FSHR: variants seen among roughly 807,000 people sequenced by gnomAD.
FSHR encodes follicle stimulating hormone receptor, also known as follicle-stimulating hormone receptor.
Under a neutral mutation model 52.1 loss-of-function variants are expected in FSHR, and 46 were observed. The observed-to-expected ratio is 0.88, with a 90% confidence interval of 0.70 to 1.13. The LOEUF is 1.13. FSHR is among the 50% of genes most tolerant of loss of function. FSHR has a pLI of 0.00. For missense variants in FSHR, 964 were observed against 834.6 expected, an observed-to-expected ratio of 1.16 and a Z score of -1.91; for synonymous variants, 399 against 309.6, an observed-to-expected ratio of 1.29 and a Z score of -3.03.
intron 9 of FSHR, among the ~76,000 whole-genome samples, chr2:48,967,296 A>C (rs1426447209): frequency 6.6e-6 from 1 of 151,996 alleles, no homozygotes; most frequent in Non-Finnish European, 1.5e-5. Flanking sequence ...ACGAGGTCCC[A>C]CCATGTTACC....
At chr2:48,996,518 A>C (rs1047958830) in intron 4 of FSHR, among the ~76,000 whole-genome samples, 2 of 152,112 alleles carry the variant, frequency 1.3e-5, no homozygotes, top group African/African-American at 4.8e-5. Flanking sequence ...TGATTCATTA[A>C]CACAACTCAT....
intron 1 of FSHR, among the ~76,000 whole-genome samples, chr2:49,083,671 C>CA (rs942826856): frequency 2.7e-5 from 4 of 148,732 alleles, no homozygotes; most frequent in South Asian, 2.2e-4. Context: ...AAATGAAAAA[C>CA]AAAAAAAGGC....
At chr2:49,048,111 C>G (rs1046066803) in intron 2 of FSHR, among the ~76,000 whole-genome samples, 1 of 152,046 alleles carries the variant, frequency 6.6e-6, no homozygotes, top group Non-Finnish European at 1.5e-5. Context: ...GTCTCAAACT[C>G]CTGACCTCAA....
chr2:49,044,617 A>C (rs1668591518), intron 2 of FSHR, among the ~76,000 whole-genome samples: 1 of 152,120 alleles, frequency 6.6e-6, no homozygotes, highest in Admixed American at 6.5e-5. Context: ...CCTTGGCTGG[A>C]GGGGAAAGGA....
At chr2:49,055,209 C>T (rs1160869577) in intron 2 of FSHR, among the ~76,000 whole-genome samples, 1 of 151,650 alleles carries the variant, frequency 6.6e-6, no homozygotes, top group African/African-American at 2.4e-5. Flanking sequence ...AAACAGAAAT[C>T]TTACAGCTTA....
chr2:49,079,726 A>G (rs1670097076), intron 1 of FSHR, among the ~76,000 whole-genome samples: 2 of 152,162 alleles, frequency 1.3e-5, no homozygotes, highest in South Asian at 4.1e-4. Flanking sequence ...TTACCACATT[A>G]AATCTCAATT....
chr2:49,033,751 C>A (rs1324597655), intron 2 of FSHR, among the ~76,000 whole-genome samples: 1 of 152,090 alleles, frequency 6.6e-6, no homozygotes, highest in African/African-American at 2.4e-5. Context: ...CCCCCAAGTG[C>A]CAGTGTCTGA....
chr2:49,093,847 T>G (rs1670713613), intron 1 of FSHR, among the ~76,000 whole-genome samples: 1 of 152,112 alleles, frequency 6.6e-6, no homozygotes, highest in Non-Finnish European at 1.5e-5. Context: ...TCCATCCACC[T>G]TGGCCTTCCA....
At position 48,984,061 on chromosome 2, in the gene FSHR, C is replaced by CTT. The variant is rs535342610; in HGVS notation, c.525-897_525-896dup. ...CTGTCAGGTTCTTTTCCCTGTCCAG[C>CTT]TTAGTGGGCTTGCAAATAACACTGT... On this transcript the variant is annotated intron_variant, in intron 6 of 9. Coordinates refer to ENST00000406846, the MANE Select transcript of FSHR (RefSeq NM_000145.4). 3.3e-5 allele frequency among the ~76,000 whole-genome samples: 5 copies of CTT among 152,316 alleles called. No homozygotes were observed. In the South Asian group the frequency reaches 1.0e-3, roughly 32 times the overall value.
intron 2 of FSHR, among the ~76,000 whole-genome samples, chr2:49,061,569 C>CTATATATCTAAATGTATAT (rs1446690692): frequency 6.2e-4 from 89 of 142,554 alleles, no homozygotes; most frequent in Middle Eastern, 3.7e-3. Flanking sequence ...TATAAATATA[C>CTATATATCTAAATGTATAT]ATATTTAGAT....
intron 1 of FSHR, among the ~76,000 whole-genome samples, chr2:49,148,486 C>T (rs1400743004): frequency 2.0e-5 from 3 of 152,034 alleles, no homozygotes; most frequent in Non-Finnish European, 2.9e-5. Context: ...ATCATTTGTA[C>T]TACCTGTAAT....
intron 1 of FSHR, among the ~76,000 whole-genome samples, chr2:49,148,625 A>G (rs533821826): frequency 6.6e-5 from 10 of 152,200 alleles, no homozygotes; most frequent in Non-Finnish European, 1.0e-4. Context: ...TGTGAAATGA[A>G]CTGCACCAGT....
chr2:49,079,905 A>C (rs1327384834), intron 1 of FSHR, among the ~76,000 whole-genome samples: 1 of 152,222 alleles, frequency 6.6e-6, no homozygotes, highest in Non-Finnish European at 1.5e-5. Flanking sequence ...ACAAAGATAC[A>C]TAAACTGAAC....
At chr2:49,111,264 G>C (rs1452077920) in intron 1 of FSHR, among the ~76,000 whole-genome samples, 1 of 152,152 alleles carries the variant, frequency 6.6e-6, no homozygotes, top group Non-Finnish European at 1.5e-5. Flanking sequence ...TAACTGTTCT[G>C]CCTCCTGAGC....
chr2:49,055,945 C>T (rs983088137), intron 2 of FSHR, among the ~76,000 whole-genome samples: 3 of 152,012 alleles, frequency 2.0e-5, no homozygotes, highest in African/African-American at 7.2e-5. Context: ...CTGAAACCAA[C>T]ATCATGACAA....
chr2:49,089,653 AAAGT>A (rs1194995655), intron 1 of FSHR, among the ~76,000 whole-genome samples: 1 of 152,196 alleles, frequency 6.6e-6, no homozygotes, highest in Non-Finnish European at 1.5e-5. Context: ...TTTAACAAAG[AAAGT>A]ATGTCTCCAA....
intron 1 of FSHR, among the ~76,000 whole-genome samples, chr2:49,134,675 T>A (rs868251404): frequency 2.6e-5 from 4 of 152,300 alleles, no homozygotes; most frequent in Middle Eastern, 3.4e-3. Context: ...CAAATGTCCA[T>A]CAGTGATAGA....
At chr2:49,070,296 T>A (rs2103623420) in intron 1 of FSHR, among the ~76,000 whole-genome samples, 1 of 152,320 alleles carries the variant, frequency 6.6e-6, no homozygotes, top group East Asian at 1.9e-4. Context: ...AAAAGCATTG[T>A]CTTTATTAAG....
chr2:49,127,898 C>CTTCTTTT (rs1558457105), intron 1 of FSHR, among the ~76,000 whole-genome samples: 7 of 27,238 alleles, frequency 2.6e-4, no homozygotes, highest in East Asian at 1.1e-3. Flanking sequence ...TCTTCTTCTT[C>CTTCTTTT]TTTTTTTTTT....
Sources: gnomAD v4.1 joint callset for allele counts (sites outside exome capture counted in the v4.1 genomes callset) on GRCh38, gnomAD v4.1.1 for gene constraint, MANE v1.5 for transcripts, NCBI Gene and HGNC (gene_info 2026-07-23, HGNC 2026-07-21) for gene names.